The following ACACA variants were observed in gnomAD, a reference collection of about 807,000 sequenced individuals.
ACACA encodes acetyl-CoA carboxylase 1.
ACACA carries 103 observed loss-of-function variants against 296.1 expected under a neutral mutation model. The ratio of observed to expected loss-of-function variants is 0.35; its 90% CI spans 0.30 to 0.41. ACACA has a LOEUF of 0.41. Ranked by LOEUF, ACACA falls within the 10% of genes least tolerant of loss-of-function variation. The pLI, the probability that ACACA is intolerant of heterozygous loss-of-function variation, is 1.00. For synonymous variants in ACACA, 953 were observed against 1,038.6 expected (o/e 0.92, Z 1.58); for missense variants, 1,554 against 2,989.7 (o/e 0.52, Z 11.20).
At chr17:37,226,095 G>A (rs1477120130) in intron 26 of ACACA, among the ~76,000 whole-genome samples, 2 of 152,130 alleles carry the variant, frequency 1.3e-5, no homozygotes, top group African/African-American at 4.8e-5. Flanking sequence ...AGGGAGGGAA[G>A]GGAATGATAC....
intron 45 of ACACA, among the ~76,000 whole-genome samples, chr17:37,146,771 T>G (rs2075828871): frequency 6.6e-6 from 1 of 151,208 alleles, no homozygotes; most frequent in Admixed American, 6.6e-5. Context: ...GAAAAAATAT[T>G]GTCAGGAGTG....
chr17:37,089,027 T>C lies in ACACA; in HGVS notation c.6939A>G (p.Lys2313=). The C allele has an allele frequency of 6.2e-7, 1 of 1,614,194 alleles. No individual in the cohort carries two copies. Among genetic ancestry groups the C allele is most frequent in the Non-Finnish European group, 8.5e-7 (1 of 1,180,034 alleles). The part of the protein sequence containing the change: ...NNKDLAEWLE[K]QLTEEDGVHS... ...GAACACCATCCTCCTCTGTCAGCTG[T>C]TTCTCTAGCCACTCCGCCAGATCCT... The change falls in exon 55 of 56, where the codon AAA becomes AAG. Residue 2313 remains lysine (K), a synonymous_variant. Transcript: ENST00000616317.
At chr17:37,274,724 A>C in intron 8 of ACACA, 2 of 958,642 alleles carry the variant, frequency 2.1e-6, no homozygotes, top group Non-Finnish European at 2.5e-6. Context: ...TATTGGCCTC[A>C]GCAGAGTCAT....
intron 1 of ACACA, among the ~76,000 whole-genome samples, chr17:37,384,998 G>A (rs923674711): frequency 1.3e-5 from 2 of 152,230 alleles, no homozygotes; most frequent in African/African-American, 4.8e-5. Context: ...CAATTCTGGA[G>A]ACGAGTGAGG....
intron 3 of ACACA, among the ~76,000 whole-genome samples, chr17:37,322,928 G>A (rs1248133976): frequency 1.3e-5 from 2 of 152,160 alleles, no homozygotes; most frequent in African/African-American, 2.4e-5. Flanking sequence ...CTCATCCTTC[G>A]AGCCCACATG....
At chr17:37,282,000 G>A (rs1385333040) in intron 5 of ACACA, among the ~76,000 whole-genome samples, 1 of 152,180 alleles carries the variant, frequency 6.6e-6, no homozygotes, top group African/African-American at 2.4e-5. Context: ...AGATGTGAAA[G>A]TGTGCATCTA....
chr17:37,242,565 T>C (rs1220972775), intron 22 of ACACA, among the ~76,000 whole-genome samples: 3 of 151,912 alleles, frequency 2.0e-5, no homozygotes, highest in Non-Finnish European at 2.9e-5. Context: ...CCCATCTCTA[T>C]AAAAATTTTT....
At chr17:37,402,267 T>C (rs997705329) in intron 1 of ACACA, among the ~76,000 whole-genome samples, 6 of 151,956 alleles carry the variant, frequency 3.9e-5, no homozygotes, top group Admixed American at 2.6e-4. Flanking sequence ...AACTCAGCCA[T>C]TGGGGGGTCA....
intron 3 of ACACA, among the ~76,000 whole-genome samples, chr17:37,311,446 A>C (rs1432440826): frequency 6.6e-6 from 1 of 152,152 alleles, no homozygotes; most frequent in African/African-American, 2.4e-5. Flanking sequence ...ACACACATAC[A>C]TACATATGCA....
intron 45 of ACACA, chr17:37,143,695 A>T (rs759140294): frequency 5.8e-5 from 52 of 891,482 alleles, no homozygotes; most frequent in Admixed American, 4.8e-4. Flanking sequence ...CATCATCATC[A>T]TCTTCTTCAT....
chr17:37,092,263 T>C (rs1294223794), intron 54 of ACACA, among the ~76,000 whole-genome samples: 3 of 131,042 alleles, frequency 2.3e-5, no homozygotes, highest in Admixed American at 8.3e-5. Flanking sequence ...GCCTGGGCAA[T>C]AGAGTGAGAC....
rs371952813 is a variant in ACACA, at chr17:37,262,720, G to A, written c.1329+965C>T. On this transcript the variant is annotated intron_variant, in intron 11 of 55. Transcript: ENST00000616317. ...AAACTTACACCTTGTTTAAGCCACC[G>A]TATTTTGCTTATTTATTTATTTGTT... Among the ~76,000 whole-genome samples the A allele has an allele frequency of 3.3e-5, 5 of 152,070 alleles. No homozygotes were observed. In the East Asian group the frequency reaches 5.8e-4, roughly 18 times the overall value.
chr17:37,228,207 T>C (rs909378044), intron 25 of ACACA, among the ~76,000 whole-genome samples: 1 of 36,642 alleles, frequency 2.7e-5, no homozygotes. Flanking sequence ...TCTCAAACCC[T>C]TTTTTTTTTT....
chr17:37,213,348 C>T (rs1161233129), intron 29 of ACACA, among the ~76,000 whole-genome samples: 1 of 78,616 alleles, frequency 1.3e-5, no homozygotes, highest in African/African-American at 3.8e-5. Flanking sequence ...AAGTAAGTCT[C>T]AAAAAAAAAA....
chr17:37,329,640 CAAA>C (rs34870931), intron 3 of ACACA, among the ~76,000 whole-genome samples: 4 of 119,368 alleles, frequency 3.4e-5, no homozygotes, highest in Non-Finnish European at 5.3e-5. Context: ...GACTCTATCT[CAAA>C]AAAAAAAAAA....
chr17:37,401,756 C>T (rs2051300565), intron 1 of ACACA, among the ~76,000 whole-genome samples: 1 of 152,034 alleles, frequency 6.6e-6, no homozygotes, highest in South Asian at 2.1e-4. Flanking sequence ...GTTGAACTCT[C>T]ACTAAGTCAC....
chr17:37,367,044 T>C (rs1300473166), intron 1 of ACACA: 4 of 151,804 alleles, frequency 2.6e-5, no homozygotes, highest in Non-Finnish European at 4.4e-5. Context: ...GCCAAGATCA[T>C]GCCATTGCAC....
chr17:37,202,632 G>T (rs1427892829), intron 33 of ACACA, among the ~76,000 whole-genome samples: 2 of 113,486 alleles, frequency 1.8e-5, no homozygotes, highest in East Asian at 2.5e-4. Context: ...TTTATCTTTT[G>T]TTTTTTTCTT....
intron 1 of ACACA, among the ~76,000 whole-genome samples, chr17:37,346,428 G>A (rs1457228360): frequency 1.3e-5 from 2 of 151,958 alleles, no homozygotes; most frequent in Admixed American, 6.6e-5. Context: ...GAGACCAGGT[G>A]TGGTGGCTCA....
Sources: gnomAD v4.1 joint callset for allele counts (sites outside exome capture counted in the v4.1 genomes callset) on GRCh38, gnomAD v4.1.1 for gene constraint, MANE v1.5 for transcripts, NCBI Gene and HGNC (gene_info 2026-07-23, HGNC 2026-07-21) for gene names.